Variants in TRHDE observed in about 807,000 individuals in gnomAD.
The protein encoded by TRHDE is thyrotropin releasing hormone degrading enzyme, also known as thyrotropin-releasing hormone-degrading ectoenzyme.
A neutral mutation model predicts 125.7 loss-of-function variants in TRHDE; 72 were observed. That is an observed-to-expected ratio of 0.57 (90% confidence interval 0.47 to 0.70). The LOEUF is 0.70. Ranked by LOEUF, TRHDE falls within the 30% of genes least tolerant of loss-of-function variation. TRHDE has a pLI of 0.00. For synonymous variants in TRHDE, 509 were observed against 509.1 expected (o/e 1.00, Z 0.00); for missense variants, 1,110 against 1,327.1 (o/e 0.84, Z 2.54).
intron 6 of TRHDE, among the ~76,000 whole-genome samples, chr12:72,538,375 A>T (rs577150818): frequency 6.6e-6 from 1 of 152,050 alleles, no homozygotes; most frequent in South Asian, 2.1e-4. Flanking sequence ...TTATCACAAT[A>T]TGTCATTTTT....
At chr12:72,133,299 G>A (rs757467362) in intron 2 of TRHDE, among the ~76,000 whole-genome samples, 5 of 152,166 alleles carry the variant, frequency 3.3e-5, no homozygotes, top group Non-Finnish European at 7.3e-5. Context: ...TAGAATGGAG[G>A]GTAACAGATT....
chr12:72,546,696 G>T (rs1208894729), intron 7 of TRHDE, among the ~76,000 whole-genome samples: 1 of 151,490 alleles, frequency 6.6e-6, no homozygotes, highest in African/African-American at 2.4e-5. Flanking sequence ...ATTAACATTG[G>T]ATATAGTCAT....
At chr12:72,541,563 G>GA (rs1184800501) in intron 6 of TRHDE, among the ~76,000 whole-genome samples, 5 of 151,574 alleles carry the variant, frequency 3.3e-5, no homozygotes, top group Non-Finnish European at 7.4e-5. Context: ...AATAGGAAAT[G>GA]AAAATGATTA....
At chr12:72,369,406 A>C (rs917047023) in intron 2 of TRHDE, among the ~76,000 whole-genome samples, 1 of 152,200 alleles carries the variant, frequency 6.6e-6, no homozygotes, top group African/African-American at 2.4e-5. Flanking sequence ...ACACAGGAGT[A>C]AAGGATGGAG....
At chr12:72,125,545 A>C (rs1017246042) in intron 2 of TRHDE, among the ~76,000 whole-genome samples, 1 of 152,180 alleles carries the variant, frequency 6.6e-6, no homozygotes, top group Non-Finnish European at 1.5e-5. Context: ...TCCCTCCAAC[A>C]TACACTCCTA....
intron 2 of TRHDE, among the ~76,000 whole-genome samples, chr12:72,119,858 G>A (rs191302340): frequency 1.7e-3 from 254 of 151,940 alleles, no homozygotes; most frequent in Non-Finnish European, 2.8e-3. Flanking sequence ...CTCCTTTTTG[G>A]TTTCCATTGT....
At chr12:72,153,939 C>A (rs1029672854) in intron 2 of TRHDE, among the ~76,000 whole-genome samples, 1 of 152,148 alleles carries the variant, frequency 6.6e-6, no homozygotes, top group African/African-American at 2.4e-5. Context: ...GAGTTCAGTT[C>A]CTGGATATCC....
At chr12:72,156,050 G>T (rs542208472) in intron 2 of TRHDE, among the ~76,000 whole-genome samples, 1 of 152,168 alleles carries the variant, frequency 6.6e-6, no homozygotes, top group East Asian at 1.9e-4. Flanking sequence ...CACCCAGTTC[G>T]AGCTTCCAGG....
rs1170492363 is a variant in TRHDE, at chr12:72,523,248, T to C, written c.1723-19043T>C. 2.6e-5 allele frequency among the ~76,000 whole-genome samples: 4 copies of C among 152,236 alleles called. No individual in the cohort carries two copies. The East Asian group carries it at 7.7e-4, about 29-fold the overall frequency. On this transcript the variant is annotated intron_variant, in intron 6 of 18. Coordinates refer to ENST00000261180, the MANE Select transcript of TRHDE (RefSeq NM_013381.3). ...AATCATAAGAAAGTTAAGTTACTTTTAATTGTTTTAAAATGAAAAGGTGCT... is the reference window on the plus strand; with the variant it reads ...AATCATAAGAAAGTTAAGTTACTTTCAATTGTTTTAAAATGAAAAGGTGCT...
At chr12:72,296,019 T>G (rs1303996664) in intron 2 of TRHDE, among the ~76,000 whole-genome samples, 1 of 152,228 alleles carries the variant, frequency 6.6e-6, no homozygotes. Context: ...CACTCATCTC[T>G]CACAGCTGTT....
rs575677730 is a variant in TRHDE at position 72,572,774 on chromosome 12, A to G, written c.2132-2481A>G. 1.3e-3 allele frequency among the ~76,000 whole-genome samples: 199 copies of G among 152,184 alleles called. 1 individual carries two copies. The highest frequency in any genetic ancestry group is 2.3e-3 in the Non-Finnish European group (155 of 67,924). On this transcript the variant is annotated intron_variant, in intron 10 of 18. Coordinates refer to ENST00000261180, the MANE Select transcript of TRHDE (RefSeq NM_013381.3). Reference sequence around the variant, plus strand: ...ATTTTCCTATTTTAATATACATATTAACTTAAATTTGACTATATCATATCT... The same window carrying G: ...ATTTTCCTATTTTAATATACATATTGACTTAAATTTGACTATATCATATCT...
chr12:72,547,652 T>G (rs1489056674), intron 7 of TRHDE, among the ~76,000 whole-genome samples: 2 of 151,788 alleles, frequency 1.3e-5, no homozygotes, highest in Non-Finnish European at 1.5e-5. Context: ...CAGCAGCAGT[T>G]TGCCTAAATT....
chr12:72,533,299 A>G (rs1868656775), intron 6 of TRHDE, among the ~76,000 whole-genome samples: 1 of 151,768 alleles, frequency 6.6e-6, no homozygotes, highest in African/African-American at 2.4e-5. Flanking sequence ...CTCAGCCTCC[A>G]GAGTAGCTGG....
intron 3 of TRHDE, chr12:72,431,696 A>G (rs1327171064): frequency 1.3e-5 from 2 of 151,388 alleles, no homozygotes; most frequent in Admixed American, 6.6e-5. Flanking sequence ...TCTTAGGCAT[A>G]TACTTCATGT....
At chr12:72,351,401 T>C (rs1456834737) in intron 2 of TRHDE, among the ~76,000 whole-genome samples, 1 of 151,974 alleles carries the variant, frequency 6.6e-6, no homozygotes, top group East Asian at 1.9e-4. Context: ...AAATTCTGAC[T>C]GGGTGTCCAA....
At chr12:72,593,776 T>C (rs1377400471) in intron 12 of TRHDE, among the ~76,000 whole-genome samples, 1 of 152,240 alleles carries the variant, frequency 6.6e-6, no homozygotes, top group East Asian at 1.9e-4. Context: ...TTTGGTTTTC[T>C]GTCCTTGCGA....
intron 2 of TRHDE, among the ~76,000 whole-genome samples, chr12:72,242,729 A>G (rs1015467416): frequency 6.6e-5 from 10 of 152,132 alleles, no homozygotes; most frequent in Non-Finnish European, 1.2e-4. Context: ...TTTGAATCCC[A>G]TCTCCTTTCC....
intron 2 of TRHDE, among the ~76,000 whole-genome samples, chr12:72,175,400 G>A (rs1345912855): frequency 2.0e-5 from 3 of 152,278 alleles, no homozygotes; most frequent in Middle Eastern, 3.4e-3. Flanking sequence ...TTGAACATAG[G>A]ATTTGACAGC....
At chr12:72,487,120 A>G (rs561899311) in intron 5 of TRHDE, among the ~76,000 whole-genome samples, 14 of 152,152 alleles carry the variant, frequency 9.2e-5, no homozygotes, top group African/African-American at 3.1e-4. Context: ...TACAAAATTA[A>G]AAACTGTAGA....
Sources: allele counts gnomAD v4.1 joint callset (sites outside exome capture counted in the v4.1 genomes callset), GRCh38; gene constraint gnomAD v4.1.1; transcripts MANE v1.5; gene names NCBI Gene and HGNC (gene_info 2026-07-23, HGNC 2026-07-21).